Variants in CUL2 observed in about 807,000 individuals in gnomAD.
The protein encoded by CUL2 is cullin 2.
In CUL2, 22 loss-of-function variants were observed where a neutral mutation model predicts 110.2. The ratio of observed to expected loss-of-function variants is 0.20; its 90% CI spans 0.14 to 0.28. CUL2 has a LOEUF of 0.28. CUL2 is among the 10% of genes least tolerant of loss of function. The probability of loss-of-function intolerance (pLI) is 1.00; values close to 1 mark genes in which losing one functional copy is unlikely to be tolerated. For synonymous variants in CUL2, 279 were observed against 293.2 expected, an observed-to-expected ratio of 0.95 and a Z score of 0.49; for missense variants, 631 against 905.5, an observed-to-expected ratio of 0.70 and a Z score of 3.89.
intron 2 of CUL2, among the ~76,000 whole-genome samples, chr10:35,068,580 T>A (rs1473053624): frequency 6.6e-6 from 1 of 152,216 alleles, no homozygotes; most frequent in African/African-American, 2.4e-5. Context: ...GTTCTATTGA[T>A]AATGTAATTG....
intron 4 of CUL2, 31 bp downstream of exon 4, chr10:35,060,843 T>C: frequency 6.4e-7 from 1 of 1,564,670 alleles, no homozygotes; most frequent in South Asian, 1.2e-5. Flanking sequence ...CAACGCTGCT[T>C]AGCTTGTCTA....
rs116841099 is a variant in CUL2, at chr10:35,061,335, G to A, written c.223-367C>T. ...CTAAATAAAAAAAAATTAGCCAGCC[G>A]TGGTGGCACATGCCTGTAAGTTCCA... On this transcript the variant is annotated intron_variant, in intron 3 of 20. Transcript: ENST00000374749. Among the ~76,000 whole-genome samples the A allele has an allele frequency of 3.2e-3, 487 of 151,728 alleles. 5 individuals are homozygous for A. Among genetic ancestry groups the A allele is most frequent in the Non-Finnish European group, 5.1e-3 (345 of 67,884 alleles).
In CUL2 at chr10:35,025,218, A is replaced by C. The variant is rs75341902; in HGVS notation, c.1618-20T>G. The C allele has an allele frequency of 1.1e-4, 163 of 1,480,294 alleles. No individual in the cohort carries two copies. Among genetic ancestry groups the C allele is most frequent in the South Asian group, 5.2e-4 (40 of 76,960 alleles). The allele number at this position is 1,480,294 out of a possible 1,614,324, so 91.7% of individuals were successfully genotyped here. A position where few individuals can be genotyped will look rare whatever the true frequency, so the allele number is the denominator to read the frequency against. ...TTCAAACTGTAAAAAAAAAAAAAAAACACACATTATTTTTAGCTACTATAA... is the reference window on the plus strand; with the variant it reads ...TTCAAACTGTAAAAAAAAAAAAAAACCACACATTATTTTTAGCTACTATAA... On this transcript the variant is annotated intron_variant, in intron 16 of 20. Transcript: ENST00000374749.
intron 2 of CUL2, among the ~76,000 whole-genome samples, chr10:35,068,444 A>G (rs2086592650): frequency 6.6e-6 from 1 of 152,146 alleles, no homozygotes; most frequent in Non-Finnish European, 1.5e-5. Context: ...AGAACCACAA[A>G]AACAACAGGC....
chr10:35,018,644 T>A (rs1014496036), intron 17 of CUL2, among the ~76,000 whole-genome samples: 2 of 151,104 alleles, frequency 1.3e-5, no homozygotes, highest in Non-Finnish European at 2.9e-5. Context: ...ATGCCTGTAA[T>A]CTCATCTACT....
intron 20 of CUL2, 98 bp from the exon 21 acceptor site, chr10:35,010,540 G>C: frequency 1.6e-6 from 2 of 1,224,750 alleles, no homozygotes; most frequent in Non-Finnish European, 2.2e-6. Context: ...ATGTACTGAG[G>C]TTTCAACAAA....
intron 1 of CUL2, among the ~76,000 whole-genome samples, chr10:35,073,661 A>G (rs1374419702): frequency 6.7e-6 from 1 of 149,182 alleles, no homozygotes; most frequent in Non-Finnish European, 1.5e-5. Context: ...CTGGGGTGCA[A>G]TGGCGCAATC....
At chr10:35,029,419 T>C in intron 15 of CUL2, 69 bp downstream of exon 15, 1 of 1,113,624 alleles carries the variant, frequency 9.0e-7, no homozygotes, top group Non-Finnish European at 1.2e-6. Context: ...CAGGCATCCA[T>C]TTATGAATCA....
chr10:35,098,997 C>G (rs553550007), intron 2 of CUL2, among the ~76,000 whole-genome samples: 5 of 152,034 alleles, frequency 3.3e-5, no homozygotes, highest in African/African-American at 1.2e-4. Flanking sequence ...ACAAAGAAAG[C>G]GAACAAGTCA....
intron 6 of CUL2, among the ~76,000 whole-genome samples, chr10:35,046,713 G>A (rs1051228748): frequency 7.9e-5 from 12 of 152,090 alleles, no homozygotes; most frequent in Non-Finnish European, 1.3e-4. Flanking sequence ...CCAACATGGT[G>A]AAATCCAGTC....
chr10:35,029,269 C>A (rs1460562222), intron 15 of CUL2, among the ~76,000 whole-genome samples: 2 of 152,110 alleles, frequency 1.3e-5, no homozygotes, highest in Non-Finnish European at 2.9e-5. Context: ...GTTGGCCAGG[C>A]TGGTCTGGAA....
chr10:35,016,971 G>C (rs1252045305), intron 17 of CUL2, among the ~76,000 whole-genome samples: 1 of 143,976 alleles, frequency 6.9e-6, no homozygotes, highest in African/African-American at 2.6e-5. Flanking sequence ...AATATTAATA[G>C]AAATGCTAAG....
chr10:35,066,304 T>C (rs959332065), intron 2 of CUL2, among the ~76,000 whole-genome samples: 1 of 151,590 alleles, frequency 6.6e-6, no homozygotes, highest in African/African-American at 2.4e-5. Flanking sequence ...AAGAATTTGC[T>C]GACTTTTTTT....
intron 1 of CUL2, among the ~76,000 whole-genome samples, chr10:35,084,371 A>G (rs2087012141): frequency 6.6e-6 from 1 of 152,216 alleles, no homozygotes; most frequent in South Asian, 2.1e-4. Flanking sequence ...CTCCTCCTCC[A>G]AAAGAAAAAT....
chr10:35,022,652 T>C (rs561704619), intron 17 of CUL2, among the ~76,000 whole-genome samples: 2 of 152,150 alleles, frequency 1.3e-5, no homozygotes, highest in African/African-American at 2.4e-5. Flanking sequence ...AAATGAAAAA[T>C]GTTGATCAAA....
Position 35,010,268 on chromosome 10 carries a change from T to C in CUL2, c.*43A>G. The C allele has an allele frequency of 1.3e-6, 2 of 1,530,282 alleles. No individual in the cohort carries two copies. The highest frequency in any genetic ancestry group is 1.3e-5 in the South Asian group (1 of 77,882). 94.8% of individuals were successfully genotyped at this position (1,530,282 alleles called of 1,614,324 possible). On this transcript the variant is annotated 3_prime_UTR_variant, in exon 21 of 21. Transcript: ENST00000374749. ...TTTCCCACAGGAACACACCAAATGG[T>C]GATGGCAATGATCTTCTCACACCAC...
chr10:35,095,003 T>C (rs61014969), upstream of CUL2, among the ~76,000 whole-genome samples: 4,087 of 152,220 alleles, frequency 0.027, 181 homozygotes, highest in African/African-American at 0.09. Flanking sequence ...TTAATTCCTT[T>C]ATAATTGTTT....
chr10:35,105,632 C>T (rs1358030956), intron 1 of CUL2, among the ~76,000 whole-genome samples: 1 of 150,690 alleles, frequency 6.6e-6, no homozygotes, highest in African/African-American at 2.4e-5. Flanking sequence ...CACTTGACCC[C>T]GGGAGGCAGA....
intron 5 of CUL2, 99 bp downstream of exon 5, chr10:35,054,335 G>A: frequency 1.5e-6 from 1 of 667,908 alleles, no homozygotes; most frequent in South Asian, 1.9e-5. Flanking sequence ...ACCATTTTAA[G>A]CTAGCCAAAT....
Sources: gnomAD v4.1 joint callset for allele counts (sites outside exome capture counted in the v4.1 genomes callset) on GRCh38, gnomAD v4.1.1 for gene constraint, MANE v1.5 for transcripts, NCBI Gene and HGNC (gene_info 2026-07-23, HGNC 2026-07-21) for gene names.